The following FAXC variants were observed in gnomAD, a reference collection of about 807,000 sequenced individuals.
The protein encoded by FAXC is failed axon connections homolog, metaxin like GST domain containing.
In FAXC, 10 loss-of-function variants were observed where a neutral mutation model predicts 41.9. The observed-to-expected ratio is 0.24, with a 90% confidence interval of 0.15 to 0.41. The LOEUF (loss-of-function observed/expected upper bound fraction) is 0.41. Among genes scored for constraint, FAXC ranks in the 10% least tolerant of loss-of-function variants. The pLI, the probability that FAXC is intolerant of heterozygous loss-of-function variation, is 1.00. For missense variants in FAXC, 399 were observed against 510.9 expected (o/e 0.78, Z 2.11); for synonymous variants, 183 against 183.8 (o/e 1.00, Z 0.03).
chr6:99,313,916 T>C (rs941124217), intron 4 of FAXC, among the ~76,000 whole-genome samples: 2 of 152,208 alleles, frequency 1.3e-5, no homozygotes, highest in African/African-American at 2.4e-5. Flanking sequence ...CTGAAATTCA[T>C]GATCTTCCCC....
intron 5 of FAXC, chr6:99,284,192 AATTAATAGT>A (rs768926137): frequency 2.0e-5 from 3 of 152,164 alleles, no homozygotes; most frequent in Non-Finnish European, 4.4e-5. Flanking sequence ...ATGGCCTGGG[AATTAATAGT>A]ATTGCACTAC....
At position 99,280,551 on chromosome 6, in the gene FAXC, A is replaced by G. The variant is rs1162278383; in HGVS notation, c.*613T>C. ...TACAGGTGGGAGAAATGAGGCACCC[A>G]ATAGTTAATAAGAGATTTGCTCAAA... On this transcript the variant is annotated 3_prime_UTR_variant, in exon 6 of 6. Transcript: ENST00000389677. 6.5e-6 allele frequency: 1 copy of G among 152,770 alleles called. No homozygotes were observed. Among genetic ancestry groups the G allele is most frequent in the African/African-American group, 2.4e-5 (1 of 41,480 alleles). 9.5% of individuals were successfully genotyped at this position (152,770 alleles called of 1,614,324 possible).
chr6:99,333,316 T>C (rs768448806), intron 3 of FAXC, 35 bp downstream of exon 3: 4 of 1,530,182 alleles, frequency 2.6e-6, no homozygotes, highest in Non-Finnish European at 2.6e-6. Flanking sequence ...TGGGGCTTAC[T>C]TCGAAAGGAC....
rs1172885902 is a variant in FAXC at position 99,277,478 on chromosome 6, T to A, written c.*3686A>T. 1.3e-5 allele frequency: 2 copies of A among 152,170 alleles called. No homozygotes were observed. Among genetic ancestry groups the A allele is most frequent in the Non-Finnish European group, 2.9e-5 (2 of 68,074 alleles). 9.4% of individuals were successfully genotyped at this position (152,170 alleles called of 1,614,324 possible). On this transcript the variant is annotated 3_prime_UTR_variant, in exon 6 of 6. Coordinates refer to ENST00000389677, the MANE Select transcript of FAXC (RefSeq NM_032511.4). The stretch of plus-strand genomic sequence containing the variant: ...TGTAAATATTCAGCAAGTGAGGGAA[T>A]GGACATGGGTTCTTTAAAAGATACA...
intron 4 of FAXC, chr6:99,309,965 C>A (rs745441164): frequency 2.5e-5 from 24 of 947,812 alleles, no homozygotes; most frequent in Non-Finnish European, 3.0e-5. Flanking sequence ...AGAAGAAAAG[C>A]ACTGTCATTT....
In FAXC at chr6:99,273,082, ACT is replaced by A. The variant is rs1770471995; in HGVS notation, c.*8080_*8081del. 2 of 152,292 alleles carry A rather than the reference ACT, an allele frequency of 1.3e-5. No individual in the cohort carries two copies. Among genetic ancestry groups the A allele is most frequent in the African/African-American group, 4.8e-5 (2 of 41,566 alleles). 9.4% of individuals were successfully genotyped at this position (152,292 alleles called of 1,614,324 possible). ...AATATGGCTTTATAAACTACTAATA[ACT>A]CTGCTAAAGTAACTCATAGATCCAG... On this transcript the variant is annotated 3_prime_UTR_variant, in exon 6 of 6. Coordinates refer to ENST00000389677, the MANE Select transcript of FAXC (RefSeq NM_032511.4).
chr6:99,281,242 G>T lies in FAXC; in HGVS notation c.1152C>A (p.Asp384Glu). 2.5e-6 allele frequency: 4 copies of T among 1,613,172 alleles called. No homozygotes were observed. Among genetic ancestry groups the T allele is most frequent in the Non-Finnish European group, 3.4e-6 (4 of 1,179,114 alleles). The change falls in exon 6 of 6, where the codon GAC (aspartate) becomes GAA (glutamate). Residue 384 changes from aspartate (D) to glutamate (E), a missense_variant. By Grantham distance (45) the Asp-to-Glu change is conservative (BLOSUM62 2). This residue lies in a region of FAXC where 92 missense variants were observed against 94.9 expected (regional missense o/e 0.97). Transcript: ENST00000389677. ...AGAGTGAGTGTCCAGTAAAATCTGT[G>T]TCTGGGGTTCTGGAAAAACTGTTTT... Reference protein sequence around the residue: ...GAENSFSRTPDTDFTGHSLFD... With the variant: ...GAENSFSRTPETDFTGHSLFD...
chr6:99,293,665 AGTGTGTGT>A (rs55827992), intron 4 of FAXC, among the ~76,000 whole-genome samples: 1,703 of 123,226 alleles, frequency 0.014, 14 homozygotes, highest in South Asian at 0.043. Flanking sequence ...CTCTATACAC[AGTGTGTGT>A]GTGTGTGTGT....
intron 4 of FAXC, among the ~76,000 whole-genome samples, chr6:99,318,306 C>CACACACAAAAAAAA (rs147852055): frequency 1.5e-5 from 2 of 135,230 alleles, no homozygotes; most frequent in African/African-American, 2.7e-5. Flanking sequence ...CACACACACA[C>CACACACAAAAAAAA]AAAATAGAAG....
intron 1 of FAXC, among the ~76,000 whole-genome samples, chr6:99,348,404 C>A (rs1020946051): frequency 2.6e-5 from 4 of 152,228 alleles, no homozygotes; most frequent in African/African-American, 4.8e-5. Flanking sequence ...GTATTTCCAA[C>A]TCAATCTTGT....
At chr6:99,333,209 A>G (rs1425379350) in intron 3 of FAXC, 142 bp downstream of exon 3, 2 of 677,990 alleles carry the variant, frequency 2.9e-6, no homozygotes, top group African/African-American at 3.6e-5. Context: ...CACAGTCATA[A>G]TAACTTTGAT....
chr6:99,301,392 A>T (rs570474203), intron 4 of FAXC, among the ~76,000 whole-genome samples: 1 of 152,370 alleles, frequency 6.6e-6, no homozygotes, highest in African/African-American at 2.4e-5. Flanking sequence ...TCAATGGTTA[A>T]GAATGGCCAC....
chr6:99,303,728 C>G (rs1015131380), intron 4 of FAXC, among the ~76,000 whole-genome samples: 4 of 152,172 alleles, frequency 2.6e-5, no homozygotes, highest in Non-Finnish European at 1.5e-5. Context: ...CAGTTTCATT[C>G]AAGACTTGTC....
intron 3 of FAXC, among the ~76,000 whole-genome samples, 166 bp from the exon 4 acceptor site, chr6:99,323,833 T>G (rs1772682755): frequency 6.6e-6 from 1 of 152,158 alleles, no homozygotes; most frequent in Admixed American, 6.5e-5. Flanking sequence ...CAGGCTCTAG[T>G]CAATGCCTAG....
At chr6:99,336,746 G>C (rs6914757) in intron 2 of FAXC, among the ~76,000 whole-genome samples, 56,987 of 151,976 alleles carry the variant, frequency 0.37, 11,232 homozygotes, top group Middle Eastern at 0.46. Context: ...CTCATCTGTA[G>C]AGTGGGGATA....
chr6:99,315,272 G>A (rs1006193549), intron 4 of FAXC, among the ~76,000 whole-genome samples: 7 of 116,148 alleles, frequency 6.0e-5, no homozygotes, highest in Admixed American at 1.8e-4. Flanking sequence ...ACCAGTAAAT[G>A]TCACCTCCTT....
chr6:99,321,365 A>C (rs972391419), intron 4 of FAXC, among the ~76,000 whole-genome samples: 1 of 152,236 alleles, frequency 6.6e-6, no homozygotes, highest in Admixed American at 6.5e-5. Flanking sequence ...TCTGGGCATC[A>C]AAAATGAGCC....
intron 2 of FAXC, among the ~76,000 whole-genome samples, chr6:99,341,856 A>G (rs937677035): frequency 4.6e-5 from 7 of 151,902 alleles, no homozygotes; most frequent in African/African-American, 1.7e-4. Context: ...ATTCCAAGGA[A>G]TCAATATCAC....
intron 1 of FAXC, among the ~76,000 whole-genome samples, chr6:99,343,336 A>C (rs1773488634): frequency 6.6e-6 from 1 of 152,206 alleles, no homozygotes; most frequent in Non-Finnish European, 1.5e-5. Context: ...TCCGGGCAGC[A>C]AGAACATTTT....
Sources: gnomAD v4.1 joint callset for allele counts (sites outside exome capture counted in the v4.1 genomes callset) on GRCh38, gnomAD v4.1.1 for gene constraint, gnomAD v4.1.1 regional missense constraint, MANE v1.5 for transcripts, NCBI Gene and HGNC (gene_info 2026-07-23, HGNC 2026-07-21) for gene names.